ADAMTS14: variants seen among roughly 807,000 people sequenced by gnomAD.
ADAMTS14 encodes the protein ADAM metallopeptidase with thrombospondin type 1 motif 14.
ADAMTS14 carries 100 observed loss-of-function variants against 128.6 expected under a neutral mutation model. The ratio of observed to expected loss-of-function variants is 0.78; its 90% CI spans 0.66 to 0.92. The LOEUF (loss-of-function observed/expected upper bound fraction) is 0.92, where lower values mean the gene tolerates loss of function less well. Ranked by LOEUF, ADAMTS14 falls within the 40% of genes least tolerant of loss-of-function variation. The pLI is 0.00. For synonymous variants in ADAMTS14, 665 were observed against 653.8 expected, an observed-to-expected ratio of 1.02 and a Z score of -0.26; for missense variants, 1,562 against 1,658.6, an observed-to-expected ratio of 0.94 and a Z score of 1.01.
intron 2 of ADAMTS14, among the ~76,000 whole-genome samples, chr10:70,675,393 T>C (rs895203797): frequency 6.6e-6 from 1 of 152,214 alleles, no homozygotes; most frequent in Non-Finnish European, 1.5e-5. Flanking sequence ...GGTACAGTGG[T>C]GCCTGAGACA....
At position 70,735,239 on chromosome 10, in the gene ADAMTS14, A is replaced by G. The variant is rs1211057517; in HGVS notation, c.1423A>G (p.Asn475Asp). ...CCAGCCCCCAGAGCTGCCTGGGATC[A>G]ACTACTCAATGGATGAGCAGTGCCG... ...WPQPPELPGI[N>D]YSMDEQCRFD... is the part of the protein sequence containing the mutation. Residue 475 changes from asparagine to aspartate, a missense_variant, in exon 9 of 22, where the codon AAC becomes GAC. Physicochemically the swap from Asn to Asp is conservative, Grantham distance 23 (BLOSUM62 1). Coordinates refer to ENST00000373207, the MANE Select transcript of ADAMTS14 (RefSeq NM_080722.4). 10 of 1,614,050 alleles carry G rather than the reference A, an allele frequency of 6.2e-6. No individual in the cohort carries two copies. The highest frequency in any genetic ancestry group is 8.5e-6 in the Non-Finnish European group (10 of 1,179,988).
chr10:70,690,891 C>T (rs1840164087), intron 2 of ADAMTS14, among the ~76,000 whole-genome samples: 1 of 145,146 alleles, frequency 6.9e-6, no homozygotes, highest in South Asian at 2.2e-4. Flanking sequence ...ATCCTGGAGC[C>T]ATGGCTGCTT....
At chr10:70,711,946 T>C (rs928187811) in intron 4 of ADAMTS14, among the ~76,000 whole-genome samples, 1 of 152,062 alleles carries the variant, frequency 6.6e-6, no homozygotes, top group Non-Finnish European at 1.5e-5. Flanking sequence ...GGCTAGAAAG[T>C]CTGTCCCTGG....
chr10:70,727,721 G>C (rs1841488349), intron 4 of ADAMTS14, among the ~76,000 whole-genome samples: 1 of 152,304 alleles, frequency 6.6e-6, no homozygotes, highest in Non-Finnish European at 1.5e-5. Context: ...TGACCACACT[G>C]CTGGCATCAC....
At chr10:70,689,354 G>C (rs556911021) in intron 2 of ADAMTS14, among the ~76,000 whole-genome samples, 2 of 144,920 alleles carry the variant, frequency 1.4e-5, no homozygotes, top group Admixed American at 6.9e-5. Context: ...CTCACGTCTA[G>C]AAGAAGGACA....
At position 70,758,051 on chromosome 10, in the gene ADAMTS14, G is replaced by A. The variant is rs979002195; in HGVS notation, c.3027G>A (p.Arg1009=). 6.2e-7 allele frequency: 1 copy of A among 1,613,554 alleles called. No individual in the cohort carries two copies. The highest frequency in any genetic ancestry group is 8.5e-7 in the Non-Finnish European group (1 of 1,179,820). ...GCCTCGGGCATTGCGAGGGGGATAG[G>A]CCAGACACTGTCCAGGTCTGCAGCC... ...ANSLGHCEGD[R]PDTVQVCSLP... is the part of the protein sequence containing the mutation. Residue 1009 remains arginine (R), a synonymous_variant, in exon 20 of 22, where the codon AGG becomes AGA. Coordinates refer to ENST00000373207, the MANE Select transcript of ADAMTS14 (RefSeq NM_080722.4).
At chr10:70,749,691 TGGGTG>T in intron 15 of ADAMTS14, 126 bp from the exon 16 acceptor site, 2 of 1,149,956 alleles carry the variant, frequency 1.7e-6, no homozygotes, top group Non-Finnish European at 2.4e-6. Context: ...CGGGAGGGCT[TGGGTG>T]GGAAGGAAAG....
intron 11 of ADAMTS14, among the ~76,000 whole-genome samples, chr10:70,740,144 C>G (rs1292229900): frequency 6.6e-6 from 1 of 152,224 alleles, no homozygotes; most frequent in Admixed American, 6.5e-5. Context: ...CATGCTCACA[C>G]AAATTAAATA....
chr10:70,707,132 G>A (rs1236450547), intron 3 of ADAMTS14, among the ~76,000 whole-genome samples: 1 of 152,216 alleles, frequency 6.6e-6, no homozygotes, highest in Non-Finnish European at 1.5e-5. Context: ...TCCTGCTGTA[G>A]TCTTTGATAT....
In ADAMTS14 at chr10:70,672,742, C is replaced by G; in HGVS notation, c.-61C>G. Reference sequence around the variant, plus strand: ...AGCCCGGGGCGCACCCTAGCCTCGCCGCCCTCAGCCTGGGACTTGGGGATC... The same window carrying G: ...AGCCCGGGGCGCACCCTAGCCTCGCGGCCCTCAGCCTGGGACTTGGGGATC... On this transcript the variant is annotated 5_prime_UTR_variant, in exon 1 of 22. Coordinates refer to ENST00000373207, the MANE Select transcript of ADAMTS14 (RefSeq NM_080722.4). 1 of 1,448,422 alleles carries G rather than the reference C, an allele frequency of 6.9e-7. No homozygotes were observed. Among genetic ancestry groups the G allele is most frequent in the Non-Finnish European group, 9.0e-7 (1 of 1,105,718 alleles). 89.7% of individuals were successfully genotyped at this position (1,448,422 alleles called of 1,614,324 possible).
intron 2 of ADAMTS14, among the ~76,000 whole-genome samples, chr10:70,686,883 AC>A (rs1207005830): frequency 6.3e-4 from 37 of 58,836 alleles, no homozygotes; most frequent in Non-Finnish European, 1.0e-3. Flanking sequence ...GGGGGGGCTG[AC>A]CCCCCCCACC....
chr10:70,703,535 C>T (rs1354840659), intron 3 of ADAMTS14, among the ~76,000 whole-genome samples: 2 of 152,200 alleles, frequency 1.3e-5, no homozygotes, highest in Non-Finnish European at 2.9e-5. Flanking sequence ...GTGGGGAGGG[C>T]AGGGCTGGCG....
chr10:70,745,006 C>T (rs1842132918), intron 14 of ADAMTS14, among the ~76,000 whole-genome samples: 1 of 152,130 alleles, frequency 6.6e-6, no homozygotes, highest in Non-Finnish European at 1.5e-5. Flanking sequence ...CTCACACACA[C>T]GGAGGCCCTT....
chr10:70,708,663 G>A lies in ADAMTS14; in HGVS notation c.755G>A (p.Arg252Gln), dbSNP rs753289164. The A allele has an allele frequency of 1.8e-5, 29 of 1,613,708 alleles. No individual in the cohort carries two copies. The East Asian group carries it at 2.0e-4, about 11-fold the overall frequency. Reference sequence around the variant, plus strand: ...CTGGGCGACACAGAGCGGAAGCGGCGGCATGCCAAGCCAGGCAGCTACAGC... The same window carrying A: ...CTGGGCGACACAGAGCGGAAGCGGCAGCATGCCAAGCCAGGCAGCTACAGC... ...DQLGDTERKRRHAKPGSYSIE... is the reference protein window; with the variant it reads ...DQLGDTERKRQHAKPGSYSIE... The change falls in exon 4 of 22, where the codon CGG becomes CAG. Residue 252 changes from arginine (R) to glutamine (Q), a missense_variant. Physicochemically the swap from Arg to Gln is conservative, Grantham distance 43. Transcript: ENST00000373207.
intron 2 of ADAMTS14, among the ~76,000 whole-genome samples, chr10:70,682,059 G>C (rs1190761018): frequency 6.6e-6 from 1 of 152,172 alleles, no homozygotes; most frequent in Non-Finnish European, 1.5e-5. Context: ...CCCCTCACTT[G>C]ATGTATGTCC....
intron 2 of ADAMTS14, among the ~76,000 whole-genome samples, chr10:70,687,328 C>T (rs745627818): frequency 0.26 from 17,387 of 66,414 alleles, 2,240 homozygotes; most frequent in South Asian, 0.37. Flanking sequence ...GCTGGCCGGG[C>T]GGGGGGCCGA....
chr10:70,678,926 C>T (rs529584951), intron 2 of ADAMTS14, among the ~76,000 whole-genome samples: 2 of 151,924 alleles, frequency 1.3e-5, no homozygotes, highest in African/African-American at 4.8e-5. Context: ...ATGCCTAACA[C>T]TGGGGTATGG....
At chr10:70,756,274 G>A (rs963980463) in intron 19 of ADAMTS14, among the ~76,000 whole-genome samples, 2 of 152,128 alleles carry the variant, frequency 1.3e-5, no homozygotes, top group East Asian at 3.8e-4. Context: ...ATACTTTTCT[G>A]TATTTTGAAA....
intron 15 of ADAMTS14, among the ~76,000 whole-genome samples, chr10:70,748,980 T>G (rs1842266796): frequency 6.6e-6 from 1 of 152,200 alleles, no homozygotes; most frequent in African/African-American, 2.4e-5. Flanking sequence ...CCGGGGTCTT[T>G]TGGTAATAAG....
Sources: allele counts gnomAD v4.1 joint callset (sites outside exome capture counted in the v4.1 genomes callset), GRCh38; gene constraint gnomAD v4.1.1; transcripts MANE v1.5; gene names NCBI Gene and HGNC (gene_info 2026-07-23, HGNC 2026-07-21).